ITPRID1: variants seen among roughly 807,000 people sequenced by gnomAD.
The protein encoded by ITPRID1 is ITPR interacting domain containing 1.
Under a neutral mutation model 95.4 loss-of-function variants are expected in ITPRID1, and 96 were observed. That is an observed-to-expected ratio of 1.01 (90% CI 0.85 to 1.19). The LOEUF (loss-of-function observed/expected upper bound fraction) is 1.19, where lower values mean the gene tolerates loss of function less well. Ranked by LOEUF, ITPRID1 falls within the 50% of genes most tolerant of loss-of-function variation. The probability of loss-of-function intolerance (pLI) is 0.00; values close to 1 mark genes in which losing one functional copy is unlikely to be tolerated. For missense variants in ITPRID1, 1,339 were observed against 1,252.9 expected, an observed-to-expected ratio of 1.07 and a Z score of -1.04; for synonymous variants, 510 against 453.6, an observed-to-expected ratio of 1.12 and a Z score of -1.58.
At position 31,558,101 on chromosome 7, in the gene ITPRID1, A is replaced by G. The variant is rs558553185; in HGVS notation, c.256+3200A>G. Among the ~76,000 whole-genome samples, 3 of 151,616 alleles carry G rather than the reference A, an allele frequency of 2.0e-5. No homozygotes were observed. In the East Asian group the frequency reaches 5.9e-4, roughly 30 times the overall value. On this transcript the variant is annotated intron_variant, in intron 5 of 14. Coordinates refer to ENST00000615280, the MANE Select transcript of ITPRID1 (RefSeq NM_001257967.3). ...ATTATCACGGGAGTGGGCTCCTGATAAAAGGATGGGTTTGGTCCCCATTTT... is the reference window on the plus strand; with the variant it reads ...ATTATCACGGGAGTGGGCTCCTGATGAAAGGATGGGTTTGGTCCCCATTTT...
At chr7:31,556,182 G>A (rs963992866) in intron 5 of ITPRID1, among the ~76,000 whole-genome samples, 2 of 152,086 alleles carry the variant, frequency 1.3e-5, no homozygotes, top group Non-Finnish European at 2.9e-5. Context: ...TCAATGAACT[G>A]GAAAGGCACA....
chr7:31,537,453 T>C (rs1783797220), intron 1 of ITPRID1, among the ~76,000 whole-genome samples: 1 of 152,136 alleles, frequency 6.6e-6, no homozygotes, highest in African/African-American at 2.4e-5. Context: ...TATTAATTTG[T>C]TAGTTTTTTC....
downstream of ITPRID1, among the ~76,000 whole-genome samples, chr7:31,657,858 A>G (rs1432453151): frequency 6.6e-6 from 1 of 152,082 alleles, no homozygotes; most frequent in Non-Finnish European, 1.5e-5. Context: ...AATGAAAATG[A>G]AAAAAAAGAA....
chr7:31,631,210 T>C (rs1352964584), intron 10 of ITPRID1, among the ~76,000 whole-genome samples: 1 of 152,140 alleles, frequency 6.6e-6, no homozygotes, highest in African/African-American at 2.4e-5. Context: ...AACCTATCAA[T>C]TGTTTTTTAC....
At chr7:31,580,751 G>A (rs900272072) in intron 9 of ITPRID1, among the ~76,000 whole-genome samples, 9 of 152,096 alleles carry the variant, frequency 5.9e-5, no homozygotes, top group African/African-American at 2.2e-4. Context: ...CAAAGAATTT[G>A]ACAATATTAA....
At chr7:31,570,585 T>G (rs1325835040) in intron 6 of ITPRID1, among the ~76,000 whole-genome samples, 1 of 152,180 alleles carries the variant, frequency 6.6e-6, no homozygotes, top group Non-Finnish European at 1.5e-5. Flanking sequence ...TTGTCATAGA[T>G]TTTTCTCCTG....
intron 10 of ITPRID1, among the ~76,000 whole-genome samples, chr7:31,606,803 G>C (rs573316930): frequency 6.6e-6 from 1 of 151,922 alleles, no homozygotes; most frequent in Non-Finnish European, 1.5e-5. Flanking sequence ...TTTCTTTCTG[G>C]TTATTTTCTT....
At chr7:31,560,467 G>A (rs1350563416) in intron 5 of ITPRID1, among the ~76,000 whole-genome samples, 1 of 152,164 alleles carries the variant, frequency 6.6e-6, no homozygotes, top group Non-Finnish European at 1.5e-5. Context: ...GTTGGAAAGG[G>A]TTGAAGCGGG....
chr7:31,528,320 ATCT>A (rs1562549333), intron 1 of ITPRID1, among the ~76,000 whole-genome samples: 1 of 152,194 alleles, frequency 6.6e-6, no homozygotes, highest in Admixed American at 6.5e-5. Context: ...GTCTATTAAA[ATCT>A]TCTAGAATGA....
At chr7:31,591,849 A>G (rs1202549824) in intron 10 of ITPRID1, among the ~76,000 whole-genome samples, 1 of 152,192 alleles carries the variant, frequency 6.6e-6, no homozygotes, top group Non-Finnish European at 1.5e-5. Context: ...TAACTGTTGT[A>G]ACAAAAATGG....
rs763167972 is a variant in ITPRID1, at chr7:31,643,816, C to T, written c.2446C>T (p.His816Tyr). 3 of 1,613,942 alleles carry T rather than the reference C, an allele frequency of 1.9e-6. No homozygotes were observed. The highest frequency in any genetic ancestry group is 8.5e-7 in the Non-Finnish European group (1 of 1,179,902). Residue 816 changes from histidine to tyrosine, a missense_variant, in exon 12 of 15, where the codon CAC (histidine) becomes TAC (tyrosine). By Grantham distance (83) the His-to-Tyr change is moderately conservative. Transcript: ENST00000615280. Reference sequence around the variant, plus strand: ...CTGCTGTCATCACCACCCTCACTGCCACGGGGAGAGGCAAAGCCCTGGCCC... The same window carrying T: ...CTGCTGTCATCACCACCCTCACTGCTACGGGGAGAGGCAAAGCCCTGGCCC... ...CICCHHHPHC[H>Y]GERQSPGPEP...
chr7:31,634,737 C>T (rs1222340223), intron 10 of ITPRID1, among the ~76,000 whole-genome samples: 1 of 152,146 alleles, frequency 6.6e-6, no homozygotes, highest in Non-Finnish European at 1.5e-5. Flanking sequence ...ATTCCATTTA[C>T]ACAACTGGTT....
intron 1 of ITPRID1, among the ~76,000 whole-genome samples, chr7:31,520,794 C>T (rs749550727): frequency 1.3e-5 from 2 of 151,746 alleles, no homozygotes; most frequent in Non-Finnish European, 2.9e-5. Flanking sequence ...ATACATATAC[C>T]CATGAAACTT....
chr7:31,600,475 T>C (rs1786344134), intron 10 of ITPRID1, among the ~76,000 whole-genome samples: 1 of 152,194 alleles, frequency 6.6e-6, no homozygotes, highest in Admixed American at 6.5e-5. Context: ...TTTCATCACA[T>C]AGTGGTTTAA....
chr7:31,628,369 C>G (rs38368), intron 10 of ITPRID1, among the ~76,000 whole-genome samples: 130,725 of 152,086 alleles, frequency 0.86, 56,374 homozygotes, highest in East Asian at 0.99. Flanking sequence ...CCTGAGAATG[C>G]CTTCTGACTC....
At chr7:31,592,612 C>T (rs1295422986) in intron 10 of ITPRID1, among the ~76,000 whole-genome samples, 1 of 152,188 alleles carries the variant, frequency 6.6e-6, no homozygotes, top group Admixed American at 6.5e-5. Flanking sequence ...GAGCACACAA[C>T]CTAGATTCTT....
intron 10 of ITPRID1, among the ~76,000 whole-genome samples, chr7:31,598,386 CTT>C (rs70986632): frequency 1.1e-3 from 138 of 125,818 alleles, no homozygotes; most frequent in African/African-American, 4.0e-3. Context: ...TAGCGAATTT[CTT>C]TTTTTTTTTC....
intron 10 of ITPRID1, among the ~76,000 whole-genome samples, chr7:31,631,508 T>G (rs1788995303): frequency 6.6e-6 from 1 of 152,230 alleles, no homozygotes; most frequent in South Asian, 2.1e-4. Flanking sequence ...TTTTTATTTT[T>G]CCAAATTTTC....
chr7:31,524,813 T>C (rs1783373612), intron 1 of ITPRID1, among the ~76,000 whole-genome samples: 1 of 152,228 alleles, frequency 6.6e-6, no homozygotes, highest in Non-Finnish European at 1.5e-5. Flanking sequence ...TGAGTCTATC[T>C]TCATCTTACA....
Sources: allele counts gnomAD v4.1 joint callset (sites outside exome capture counted in the v4.1 genomes callset), GRCh38; gene constraint gnomAD v4.1.1; transcripts MANE v1.5; gene names NCBI Gene and HGNC (gene_info 2026-07-23, HGNC 2026-07-21).